Variants in CSF1R observed in about 807,000 individuals in gnomAD.
CSF1R encodes the protein macrophage colony-stimulating factor 1 receptor.
CSF1R carries 40 observed loss-of-function variants against 110.0 expected under a neutral mutation model. The ratio of observed to expected loss-of-function variants is 0.36; its 90% confidence interval spans 0.28 to 0.47. CSF1R has a LOEUF of 0.47. CSF1R is among the 20% of genes least tolerant of loss of function. The pLI, the probability that CSF1R is intolerant of heterozygous loss-of-function variation, is 0.99. For missense variants in CSF1R, 1,052 were observed against 1,253.0 expected (o/e 0.84, Z 2.42); for synonymous variants, 523 against 503.4 (o/e 1.04, Z -0.52).
chr5:150,066,895 C>G (rs1424993892), intron 10 of CSF1R: 1 of 152,910 alleles, frequency 6.5e-6, no homozygotes, highest in East Asian at 1.9e-4. Flanking sequence ...TCACCTGCAC[C>G]TCTGCACACT....
At position 150,057,367 on chromosome 5, in the gene CSF1R, C is replaced by T. The variant is rs41355444; in HGVS notation, c.2239G>A (p.Gly747Arg). 1.7e-3 allele frequency: 2,812 copies of T among 1,614,064 alleles called. 4 individuals carry two copies. Among genetic ancestry groups the T allele is most frequent in the Admixed American group, 3.2e-3 (193 of 60,006 alleles). ...FSEQDLDKED[G>R]RPLELRDLLH... ...AGGTCCCGGAGCTCCAGGGGCCGTC[C>T]ATCCTCCTTGTCCAGGTCTAGGGTG... Residue 747 changes from glycine (G) to arginine (R), a missense_variant, in exon 16 of 21, where the codon GGA becomes AGA. Physicochemically the swap from Gly to Arg is moderately radical, Grantham distance 125. Around this residue, in one of 5 missense-constraint regions of CSF1R, gnomAD observed 124 missense variants for 117.7 expected, o/e 1.05. Coordinates refer to ENST00000675795, the MANE Select transcript of CSF1R (RefSeq NM_001288705.3).
chr5:150,053,546 G>A lies in CSF1R; in HGVS notation c.*523C>T. The A allele has an allele frequency of 4.1e-6, 1 of 244,290 alleles. No homozygotes were observed. The highest frequency in any genetic ancestry group is 8.0e-6 in the Non-Finnish European group (1 of 124,474). 15.1% of individuals were successfully genotyped at this position (244,290 alleles called of 1,614,324 possible). A position where few individuals can be genotyped will look rare whatever the true frequency, so the allele number is the denominator to read the frequency against. On this transcript the variant is annotated 3_prime_UTR_variant, in exon 21 of 21. Transcript: ENST00000675795. Reference sequence around the variant, plus strand: ...GGCTGTGGAGTGAAGGCGGCGTATAGGGCAGAGACTAAGAGGTCCTGTGAG... The same window carrying A: ...GGCTGTGGAGTGAAGGCGGCGTATAAGGCAGAGACTAAGAGGTCCTGTGAG...
At chr5:150,056,678 A>G (rs895551589) in intron 16 of CSF1R, among the ~76,000 whole-genome samples, 1 of 152,228 alleles carries the variant, frequency 6.6e-6, no homozygotes, top group East Asian at 1.9e-4. Flanking sequence ...ACTTCTGATC[A>G]TAGCAGCTGC....
chr5:150,080,458 A>G, intron 2 of CSF1R, 122 bp from the exon 3 acceptor site: 1 of 1,306,014 alleles, frequency 7.7e-7, no homozygotes, highest in African/African-American at 1.5e-5. Flanking sequence ...ACACCACGCC[A>G]GGACAGTTCA....
chr5:150,054,807 T>C (rs545989067), intron 19 of CSF1R: 9 of 251,386 alleles, frequency 3.6e-5, no homozygotes, highest in Non-Finnish European at 6.1e-5. Flanking sequence ...GACAACATAG[T>C]GAGATCCCAT....
intron 12 of CSF1R, 50 bp from the exon 13 acceptor site, chr5:150,061,022 A>G: frequency 2.3e-6 from 3 of 1,310,216 alleles, no homozygotes; most frequent in Non-Finnish European, 3.2e-6. Context: ...CAGGACAGAG[A>G]GCACCACACA....
intron 1 of CSF1R, among the ~76,000 whole-genome samples, chr5:150,083,349 AAC>A (rs59055324): frequency 0.19 from 20,655 of 105,986 alleles, 1,940 homozygotes; most frequent in East Asian, 0.36. Flanking sequence ...CTTCTCTCCC[AAC>A]ACACACACAC....
upstream of CSF1R, among the ~76,000 whole-genome samples, chr5:150,091,005 G>T (rs1759021523): frequency 1.3e-5 from 2 of 152,034 alleles, no homozygotes; most frequent in South Asian, 2.1e-4. Context: ...GCAAAACATT[G>T]AATAGATATT....
Position 150,070,177 on chromosome 5 carries a change from C to T in CSF1R, c.1319+5G>A, listed in dbSNP as rs1313758793. 1.9e-6 allele frequency: 3 copies of T among 1,613,398 alleles called. No homozygotes were observed. Among genetic ancestry groups the T allele is most frequent in the Non-Finnish European group, 2.5e-6 (3 of 1,179,690 alleles). ...AGGTGAGGGAGGTGAGTGGAGCCCA[C>T]TTACCTATCAGTGTGGCCACTGCAC... On this transcript the variant is annotated splice_donor_5th_base_variant and intron_variant, in intron 8 of 20. Transcript: ENST00000675795.
Position 150,068,247 on chromosome 5 carries a change from G to A in CSF1R, c.1594C>T (p.Leu532=), listed in dbSNP as rs1222867637. Residue 532 remains leucine (L), a synonymous_variant, in exon 10 of 21, where the codon CTG becomes TTG. Coordinates refer to ENST00000675795, the MANE Select transcript of CSF1R (RefSeq NM_001288705.3). ...TACTTGTACAATAGCAGCAGGAGCA[G>A]CAGCAGCAGCAAGGCCATGATGGAC... ...CMSIMALLLL[L]LLLLLYKYKQ... 22 of 1,612,404 alleles carry A rather than the reference G, an allele frequency of 1.4e-5. No homozygotes were observed. The highest frequency in any genetic ancestry group is 1.7e-5 in the Non-Finnish European group (20 of 1,179,866).
At chr5:150,063,150 C>T (rs140431559) in intron 10 of CSF1R, among the ~76,000 whole-genome samples, 9 of 152,116 alleles carry the variant, frequency 5.9e-5, no homozygotes, top group East Asian at 3.9e-4. Flanking sequence ...CCCAAGCAGC[C>T]GGGACTACAA....
chr5:150,092,220 A>C (rs1484029607), intron 1 of CSF1R, among the ~76,000 whole-genome samples: 3 of 152,264 alleles, frequency 2.0e-5, no homozygotes, highest in African/African-American at 7.2e-5. Flanking sequence ...GGCAGGCTAC[A>C]TTTGGTCCAC....
chr5:150,080,626 C>T lies in CSF1R; in HGVS notation c.307+141G>A, dbSNP rs1457364005. The stretch of plus-strand genomic sequence containing the variant: ...CAGGGTTGTTGTGAGGACTGCATTA[C>T]ATTAGCAGCTCTTCCAGGTCCTTGC... On this transcript the variant is annotated intron_variant, in intron 2 of 20. Transcript: ENST00000675795. 3.2e-5 allele frequency: 35 copies of T among 1,108,622 alleles called. No individual in the cohort carries two copies. In the East Asian group the frequency reaches 6.6e-4, roughly 21 times the overall value. The allele number at this position is 1,108,622 out of a possible 1,614,324, so 68.7% of individuals were successfully genotyped here. A position where few individuals can be genotyped will look rare whatever the true frequency, so the allele number is the denominator to read the frequency against.
chr5:150,067,206 T>C lies in CSF1R; in HGVS notation c.1626+1009A>G, dbSNP rs987587410. The C allele has an allele frequency of 3.9e-5, 6 of 152,150 alleles. No homozygotes were observed. In the South Asian group the frequency reaches 1.2e-3, roughly 32 times the overall value. 9.4% of individuals were successfully genotyped at this position (152,150 alleles called of 1,614,324 possible). On this transcript the variant is annotated intron_variant, in intron 10 of 20. Transcript: ENST00000675795. ...TATCCCTCAGCCCCTTGGGGTTTTT[T>C]TTTTTAACCTTGCTGAGCCTCAGCT...
chr5:150,065,632 G>A (rs1757732123), intron 10 of CSF1R, among the ~76,000 whole-genome samples: 1 of 152,234 alleles, frequency 6.6e-6, no homozygotes, highest in African/African-American at 2.4e-5. Context: ...AGGATGGGAG[G>A]GCAGGCACTT....
chr5:150,073,657 C>G (rs1758128621), intron 5 of CSF1R, among the ~76,000 whole-genome samples, 164 bp from the exon 6 acceptor site: 1 of 152,318 alleles, frequency 6.6e-6, no homozygotes, highest in Admixed American at 6.5e-5. Flanking sequence ...TTCTCACCAC[C>G]CCCTTCAGAA....
chr5:150,065,441 C>A (rs1757720289), intron 10 of CSF1R, among the ~76,000 whole-genome samples: 1 of 152,340 alleles, frequency 6.6e-6, no homozygotes, highest in South Asian at 2.1e-4. Context: ...CTTTTCTCTT[C>A]CCCCACGGCC....
In CSF1R at chr5:150,068,300, A is replaced by T. The variant is rs370585355; in HGVS notation, c.1541T>A (p.Leu514His). The T allele has an allele frequency of 2.5e-6, 4 of 1,612,934 alleles. No individual in the cohort carries two copies. The African/African-American group carries it at 5.3e-5, about 22-fold the overall frequency. Residue 514 changes from leucine to histidine, a missense_variant, in exon 10 of 21, where the codon CTC (leucine) becomes CAC (histidine). Leu to His is a moderately conservative substitution (Grantham distance 99, BLOSUM62 -3). Coordinates refer to ENST00000675795, the MANE Select transcript of CSF1R (RefSeq NM_001288705.3). ...GCAGGCGACCACCACTGGTGTGAAG[A>T]GGAACTCATCCGGGGGATGCGTGTG... The part of the protein sequence containing the change: ...GAHTHPPDEF[L>H]FTPVVVACMS...
chr5:150,098,898 T>TTC (rs1215568750), intron 1 of CSF1R, among the ~76,000 whole-genome samples: 1 of 148,534 alleles, frequency 6.7e-6, no homozygotes, highest in Non-Finnish European at 1.5e-5. Context: ...AACTTTTTTT[T>TTC]TTTTTTTTTT....
Sources: allele counts gnomAD v4.1 joint callset (sites outside exome capture counted in the v4.1 genomes callset), GRCh38; gene constraint gnomAD v4.1.1; regional missense constraint gnomAD v4.1.1; transcripts MANE v1.5; gene names NCBI Gene and HGNC (gene_info 2026-07-23, HGNC 2026-07-21).